ARMC7: variants seen among roughly 807,000 people sequenced by gnomAD.
ARMC7 encodes the protein armadillo repeat containing 7.
A neutral mutation model predicts 14.8 loss-of-function variants in ARMC7; 9 were observed. That is an observed-to-expected ratio of 0.61 (90% CI 0.37 to 1.06). The LOEUF (loss-of-function observed/expected upper bound fraction) is 1.06. ARMC7 is among the 50% of genes least tolerant of loss of function. The pLI is 0.01. For missense variants in ARMC7, 262 were observed against 267.1 expected (o/e 0.98, Z 0.13); for synonymous variants, 125 against 123.4 (o/e 1.01, Z -0.09).
At position 75,123,889 on chromosome 17, in the gene ARMC7, C is replaced by T. The variant is rs1036077123; in HGVS notation, c.236-4788C>T. On this transcript the variant is annotated intron_variant, in intron 2 of 2. Transcript: ENST00000245543. ...TCGTGCTACTGCACTCCAGCGTGGG[C>T]GACAAGAGCGAGGCTCATACTCAAA... Among the ~76,000 whole-genome samples, 9 of 152,064 alleles carry T rather than the reference C, an allele frequency of 5.9e-5. No homozygotes were observed. The East Asian group carries it at 7.8e-4, about 13-fold the overall frequency.
intron 2 of ARMC7, among the ~76,000 whole-genome samples, chr17:75,119,991 G>A (rs972549788): frequency 3.3e-5 from 5 of 151,930 alleles, no homozygotes; most frequent in East Asian, 1.9e-4. Context: ...TGCAACCTCC[G>A]CCTCCCAAGT....
At chr17:75,123,601 G>A (rs985063054) in intron 2 of ARMC7, among the ~76,000 whole-genome samples, 1 of 151,970 alleles carries the variant, frequency 6.6e-6, no homozygotes, top group Non-Finnish European at 1.5e-5. Flanking sequence ...GATCCACCGC[G>A]CCCAGCCTGA....
At chr17:75,122,899 G>A (rs549200352) in intron 2 of ARMC7, among the ~76,000 whole-genome samples, 1 of 152,002 alleles carries the variant, frequency 6.6e-6, no homozygotes, top group African/African-American at 2.4e-5. Flanking sequence ...GGGCAGGTTA[G>A]GTGCTCACAG....
In ARMC7 at chr17:75,110,025, C is replaced by A. The variant is rs898894803; in HGVS notation, c.-264C>A. Reference sequence around the variant, plus strand: ...CCAGTGCCCCCTCCGCGAGCCCCAACCAGTAGACGGTTCCCTGTCTCCCGC... The same window carrying A: ...CCAGTGCCCCCTCCGCGAGCCCCAAACAGTAGACGGTTCCCTGTCTCCCGC... On this transcript the variant is annotated 5_prime_UTR_variant, in exon 1 of 3. Transcript: ENST00000245543. 1.1e-5 allele frequency: 5 copies of A among 445,604 alleles called. No homozygotes were observed. Among genetic ancestry groups the A allele is most frequent in the Middle Eastern group, 6.0e-4 (1 of 1,660 alleles). 27.6% of individuals were successfully genotyped at this position (445,604 alleles called of 1,614,324 possible).
Position 75,110,242 on chromosome 17 carries a change from T to A in ARMC7, c.-47T>A, listed in dbSNP as rs1354092881. The A allele has an allele frequency of 1.1e-5, 17 of 1,528,336 alleles. No homozygotes were observed. Among genetic ancestry groups the A allele is most frequent in the Non-Finnish European group, 1.5e-5 (17 of 1,136,656 alleles). 94.7% of individuals were successfully genotyped at this position (1,528,336 alleles called of 1,614,324 possible). ...TCTCGCTCGGCTTTCCCCCTGCACC[T>A]TTCCCACCCTCCCGCCCGTCCCTGG... On this transcript the variant is annotated 5_prime_UTR_variant, in exon 1 of 3. Coordinates refer to ENST00000245543, the MANE Select transcript of ARMC7 (RefSeq NM_024585.4).
chr17:75,109,990 G>C lies in ARMC7; in HGVS notation c.-299G>C, dbSNP rs1377533715. The C allele has an allele frequency of 1.2e-5, 4 of 343,824 alleles. No homozygotes were observed. The East Asian group carries it at 2.3e-4, about 20-fold the overall frequency. 21.3% of individuals were successfully genotyped at this position (343,824 alleles called of 1,614,324 possible). On this transcript the variant is annotated 5_prime_UTR_variant, in exon 1 of 3. Coordinates refer to ENST00000245543, the MANE Select transcript of ARMC7 (RefSeq NM_024585.4). This position sits in a 1 kb window ranked among gnomAD's most constrained non-coding sequence, Gnocchi z 5.0. ...GCCCGGAACCGAGCCCAGGAGCCGG[G>C]GACGGTGCGCCAGTGCCCCCTCCGC...
rs753466701 is a variant in ARMC7, at chr17:75,128,880, C to T, written c.439C>T (p.Arg147Cys). ...TATPVVQCMLRFSLSASARLR... is the reference protein window; with the variant it reads ...TATPVVQCMLCFSLSASARLR... Reference sequence around the variant, plus strand: ...CACGCCCGTGGTGCAGTGCATGCTTCGCTTCTCCCTCTCGGCCAGCGCCAG... The same window carrying T: ...CACGCCCGTGGTGCAGTGCATGCTTTGCTTCTCCCTCTCGGCCAGCGCCAG... Residue 147 changes from arginine to cysteine, a missense_variant, in exon 3 of 3, where the codon CGC (arginine) becomes TGC (cysteine). Transcript: ENST00000245543. The T allele has an allele frequency of 6.8e-6, 11 of 1,611,956 alleles. No individual in the cohort carries two copies. Among genetic ancestry groups the T allele is most frequent in the East Asian group, 2.2e-5 (1 of 44,884 alleles).
intron 2 of ARMC7, 119 bp from the exon 3 acceptor site, chr17:75,128,555 TGGA>T: frequency 7.3e-7 from 1 of 1,376,686 alleles, no homozygotes; most frequent in Non-Finnish European, 9.7e-7. Context: ...GAATGGGCTT[TGGA>T]TGCCTTGTGC....
chr17:75,120,541 A>G (rs6501762), intron 2 of ARMC7, among the ~76,000 whole-genome samples: 70,524 of 151,874 alleles, frequency 0.46, 18,194 homozygotes, highest in East Asian at 0.71. Context: ...GTGGCTGGGC[A>G]CGGTGGCTCA....
rs1427966774 is a variant in ARMC7, at chr17:75,110,284, C to T, written c.-5C>T. On this transcript the variant is annotated 5_prime_UTR_variant, in exon 1 of 3. Coordinates refer to ENST00000245543, the MANE Select transcript of ARMC7 (RefSeq NM_024585.4). ...CGTCCCTGGGGGTCCTCCGTCACCG[C>T]GGCCATGGCCCAGAAGCCGAAGGTG... The T allele has an allele frequency of 3.7e-6, 6 of 1,608,088 alleles. No individual in the cohort carries two copies. Among genetic ancestry groups the T allele is most frequent in the East Asian group, 2.2e-5 (1 of 44,862 alleles).
intron 2 of ARMC7, chr17:75,114,323 GGA>G: frequency 2.5e-6 from 1 of 399,984 alleles, no homozygotes; most frequent in African/African-American, 2.0e-5. Context: ...TTTACCAAGT[GGA>G]GTCTTTCCTG....
At chr17:75,128,445 T>C (rs1339951479) in intron 2 of ARMC7, among the ~76,000 whole-genome samples, 1 of 152,096 alleles carries the variant, frequency 6.6e-6, no homozygotes, top group Admixed American at 6.6e-5. Context: ...CTTGCTGAAC[T>C]GAGAGGGAAA....
In ARMC7 at chr17:75,129,108, C is replaced by T. The variant is rs1055327200; in HGVS notation, c.*70C>T. 1.5e-5 allele frequency: 22 copies of T among 1,512,126 alleles called. No individual in the cohort carries two copies. The highest frequency in any genetic ancestry group is 9.6e-5 in the African/African-American group (7 of 72,628). The allele number at this position is 1,512,126 out of a possible 1,614,324, so 93.7% of individuals were successfully genotyped here. ...ACAGTCCTGATGTGGACGCAGGGAA[C>T]GGGGAGCACATACTGCCCCATTGGT... On this transcript the variant is annotated 3_prime_UTR_variant, in exon 3 of 3. Transcript: ENST00000245543.
intron 2 of ARMC7, among the ~76,000 whole-genome samples, 186 bp downstream of exon 2, chr17:75,110,792 G>A (rs553216053): frequency 4.0e-5 from 6 of 151,134 alleles, no homozygotes; most frequent in Admixed American, 6.6e-5. Flanking sequence ...GCGAAACCCC[G>A]TCTCGTACAA....
At chr17:75,123,295 G>A (rs541859620) in intron 2 of ARMC7, among the ~76,000 whole-genome samples, 89 of 145,762 alleles carry the variant, frequency 6.1e-4, no homozygotes, top group African/African-American at 2.1e-3. Context: ...TGATCCACCC[G>A]CCTCGGCCTC....
At chr17:75,123,371 T>TC (rs2074027754) in intron 2 of ARMC7, among the ~76,000 whole-genome samples, 1 of 150,456 alleles carries the variant, frequency 6.6e-6, no homozygotes, top group African/African-American at 2.5e-5. Context: ...TTTTTTTTTT[T>TC]GAGACCGAGT....
At chr17:75,121,812 A>G (rs1326942621) in intron 2 of ARMC7, among the ~76,000 whole-genome samples, 1 of 152,128 alleles carries the variant, frequency 6.6e-6, no homozygotes, top group Non-Finnish European at 1.5e-5. Flanking sequence ...ACAGTTCCAT[A>G]TGTTTTGGCC....
intron 2 of ARMC7, among the ~76,000 whole-genome samples, chr17:75,124,663 G>A (rs946236465): frequency 2.6e-5 from 4 of 152,182 alleles, no homozygotes; most frequent in Admixed American, 6.5e-5. Flanking sequence ...GGCTGGATTC[G>A]TTGTCCTTAC....
At chr17:75,114,282 G>A (rs1272065010) in intron 2 of ARMC7, 2 of 400,880 alleles carry the variant, frequency 5.0e-6, no homozygotes, top group Non-Finnish European at 8.8e-6. Flanking sequence ...AAAAATTGGC[G>A]GAAGTCACAG....
Sources: allele counts gnomAD v4.1 joint callset (sites outside exome capture counted in the v4.1 genomes callset), GRCh38; gene constraint gnomAD v4.1.1; non-coding constraint Gnocchi (gnomAD v3.1); transcripts MANE v1.5; gene names NCBI Gene and HGNC (gene_info 2026-07-23, HGNC 2026-07-21).